The following AGPS variants were observed in gnomAD, a reference collection of about 807,000 sequenced individuals.
AGPS encodes alkyldihydroxyacetonephosphate synthase, peroxisomal.
AGPS carries 26 observed loss-of-function variants against 90.7 expected under a neutral mutation model. That is an observed-to-expected ratio of 0.29 (90% confidence interval 0.21 to 0.40). AGPS has a LOEUF of 0.40. Among genes scored for constraint, AGPS ranks in the 10% least tolerant of loss-of-function variants. AGPS has a pLI of 1.00. For missense variants in AGPS, 540 were observed against 816.1 expected, an observed-to-expected ratio of 0.66 and a Z score of 4.12; for synonymous variants, 294 against 285.3, an observed-to-expected ratio of 1.03 and a Z score of -0.31.
At chr2:177,460,277 C>T (rs1196387114) in intron 8 of AGPS, among the ~76,000 whole-genome samples, 3 of 152,076 alleles carry the variant, frequency 2.0e-5, no homozygotes, top group Non-Finnish European at 2.9e-5. Context: ...AACAAAACTG[C>T]ACGTTCTGCA....
chr2:177,437,887 G>A (rs918459478), intron 5 of AGPS, among the ~76,000 whole-genome samples: 7 of 152,126 alleles, frequency 4.6e-5, no homozygotes, highest in Non-Finnish European at 8.8e-5. Context: ...TACACAGAAG[G>A]AAAATCCAAG....
intron 11 of AGPS, among the ~76,000 whole-genome samples, chr2:177,484,277 G>C (rs1468433637): frequency 6.6e-6 from 1 of 151,892 alleles, no homozygotes; most frequent in African/African-American, 2.4e-5. Context: ...TCCCCTGCTT[G>C]TCTTAAATAG....
At chr2:177,528,849 CTTTT>C (rs71008000) in intron 19 of AGPS, among the ~76,000 whole-genome samples, 1 of 79,142 alleles carries the variant, frequency 1.3e-5, no homozygotes, top group South Asian at 5.7e-4. Context: ...CATATTAATC[CTTTT>C]TTTTTTTTTT....
intron 5 of AGPS, 126 bp downstream of exon 5, chr2:177,437,180 G>C (rs1156503969): frequency 1.1e-6 from 1 of 914,378 alleles, no homozygotes; most frequent in African/African-American, 1.6e-5. Flanking sequence ...TTTTAAGAGA[G>C]TTTACATAAC....
intron 1 of AGPS, among the ~76,000 whole-genome samples, chr2:177,410,559 A>G (rs1685591160): frequency 6.6e-6 from 1 of 152,188 alleles, no homozygotes; most frequent in African/African-American, 2.4e-5. Context: ...TTCAAGCATA[A>G]TTAGAAAGCC....
intron 1 of AGPS, among the ~76,000 whole-genome samples, chr2:177,396,877 A>C (rs1161130324): frequency 6.6e-6 from 1 of 152,162 alleles, no homozygotes; most frequent in African/African-American, 2.4e-5. Context: ...TGACCAAACA[A>C]AACCTGCTGT....
intron 19 of AGPS, among the ~76,000 whole-genome samples, chr2:177,528,374 A>C (rs943114217): frequency 1.3e-5 from 2 of 152,212 alleles, no homozygotes; most frequent in African/African-American, 2.4e-5. Flanking sequence ...TCAAGGATAC[A>C]TTGTATATCA....
At chr2:177,517,846 A>G (rs1689066410) in intron 17 of AGPS, among the ~76,000 whole-genome samples, 1 of 152,206 alleles carries the variant, frequency 6.6e-6, no homozygotes, top group South Asian at 2.1e-4. Context: ...TCCTACTGAT[A>G]TCTTTATCTT....
chr2:177,425,571 A>G (rs1206119866), intron 2 of AGPS, among the ~76,000 whole-genome samples: 1 of 148,698 alleles, frequency 6.7e-6, no homozygotes, highest in Admixed American at 6.9e-5. Context: ...CGGTGAGCCA[A>G]GATCACGCCA....
rs1172040227 is a variant in AGPS, at chr2:177,436,139, A to ATTTTTTTTTTTTTT, written c.442-619_442-606dup. 3.7e-4 allele frequency among the ~76,000 whole-genome samples: 30 copies of ATTTTTTTTTTTTTT among 82,122 alleles called. 4 individuals are homozygous for ATTTTTTTTTTTTTT. The highest frequency in any genetic ancestry group is 5.6e-4 in the African/African-American group (12 of 21,428). The allele number at this position is 82,122 out of a possible 152,430, so 53.9% of individuals were successfully genotyped here. On this transcript the variant is annotated intron_variant, in intron 3 of 19. Transcript: ENST00000264167. ...GCAATTGAAGAATAAGAAATGCTGA[A>ATTTTTTTTTTTTTT]TTTTTTTTTTTTTTTTTTTGCGACA...
At chr2:177,490,856 T>TG (rs1184168161) in intron 11 of AGPS, among the ~76,000 whole-genome samples, 2,481 of 144,554 alleles carry the variant, frequency 0.017, 91 homozygotes, top group African/African-American at 0.058. Context: ...CTTTTTTTTT[T>TG]TTTTTTTTTT....
At chr2:177,519,471 C>G (rs139463575) in intron 17 of AGPS, among the ~76,000 whole-genome samples, 394 of 152,190 alleles carry the variant, frequency 2.6e-3, no homozygotes, top group African/African-American at 8.8e-3. Flanking sequence ...GTTTGTCATT[C>G]TGTATCTTTA....
chr2:177,527,947 T>A (rs192198993), intron 19 of AGPS, among the ~76,000 whole-genome samples: 1 of 152,342 alleles, frequency 6.6e-6, no homozygotes, highest in East Asian at 1.9e-4. Flanking sequence ...TTTTCTCTAG[T>A]GCTTAGAAAA....
intron 1 of AGPS, among the ~76,000 whole-genome samples, chr2:177,419,921 A>G (rs1004172516): frequency 1.3e-5 from 2 of 151,780 alleles, no homozygotes; most frequent in East Asian, 1.9e-4. Context: ...TTTAATTGCA[A>G]AGCTTTTTAG....
At chr2:177,493,591 A>T (rs1215415718) in intron 12 of AGPS, among the ~76,000 whole-genome samples, 1 of 152,180 alleles carries the variant, frequency 6.6e-6, no homozygotes, top group East Asian at 1.9e-4. Flanking sequence ...GTGAAACTCA[A>T]TGATGTGTGT....
chr2:177,453,341 G>A (rs1346118088), intron 8 of AGPS, among the ~76,000 whole-genome samples: 1 of 149,968 alleles, frequency 6.7e-6, no homozygotes, highest in East Asian at 2.0e-4. Context: ...GCCTGATATC[G>A]GCTCACCACA....
chr2:177,428,029 A>G (rs920060445), intron 2 of AGPS, among the ~76,000 whole-genome samples: 1 of 152,162 alleles, frequency 6.6e-6, no homozygotes, highest in Admixed American at 6.5e-5. Context: ...GTACATATAT[A>G]TTTAGGATAT....
intron 2 of AGPS, among the ~76,000 whole-genome samples, 178 bp downstream of exon 2, chr2:177,420,536 C>A (rs1342271440): frequency 1.3e-5 from 2 of 151,492 alleles, no homozygotes; most frequent in African/African-American, 2.4e-5. Flanking sequence ...CATGTCACCT[C>A]TAAATATATG....
In AGPS at chr2:177,471,102, T is replaced by C. The variant is rs1421840483; in HGVS notation, c.1105+2578T>C. Among the ~76,000 whole-genome samples the C allele has an allele frequency of 7.9e-5, 12 of 152,300 alleles. No individual in the cohort carries two copies. In the East Asian group the frequency reaches 2.3e-3, roughly 29 times the overall value. On this transcript the variant is annotated intron_variant, in intron 10 of 19. Coordinates refer to ENST00000264167, the MANE Select transcript of AGPS (RefSeq NM_003659.4). ...CCTAATCCCCATTTCAGTTTGTGAA[T>C]ATAGAGTTATTTTAATATAGGCCAG...
Sources: gnomAD v4.1 joint callset for allele counts (sites outside exome capture counted in the v4.1 genomes callset) on GRCh38, gnomAD v4.1.1 for gene constraint, MANE v1.5 for transcripts, NCBI Gene and HGNC (gene_info 2026-07-23, HGNC 2026-07-21) for gene names.